Variants in ZNF48 observed in about 807,000 individuals in gnomAD.
The protein encoded by ZNF48 is zinc finger protein 48.
A neutral mutation model predicts 40.0 loss-of-function variants in ZNF48; 20 were observed. The ratio of observed to expected loss-of-function variants is 0.50; its 90% CI spans 0.35 to 0.73. The LOEUF (loss-of-function observed/expected upper bound fraction) is 0.73, where lower values mean the gene tolerates loss of function less well. Ranked by LOEUF, ZNF48 falls within the 30% of genes least tolerant of loss-of-function variation. ZNF48 has a pLI of 0.01. For synonymous variants in ZNF48, 298 were observed against 329.7 expected (o/e 0.90, Z 1.04); for missense variants, 726 against 851.9 (o/e 0.85, Z 1.84).
At chr16:30,384,548 A>C (rs1431741921) in intron 1 of ZNF48, among the ~76,000 whole-genome samples, 1 of 150,802 alleles carries the variant, frequency 6.6e-6, no homozygotes, top group African/African-American at 2.4e-5. Context: ...AACAAACAAA[A>C]ATGCTACTTA....
chr16:30,397,361 G>A lies in ZNF48; in HGVS notation c.111G>A (p.Pro37=), dbSNP rs753000862. Reference sequence around the variant, plus strand: ...GGAGTGAGAACGTGATTTCTCAGCCGAATGAGTTTGAACATACCCCACAGG... The same window carrying A: ...GGAGTGAGAACGTGATTTCTCAGCCAAATGAGTTTGAACATACCCCACAGG... ...GLGSENVISQ[P]NEFEHTPQED... The change falls in exon 3 of 3, where the codon CCG becomes CCA. Residue 37 remains proline (P), a synonymous_variant. Coordinates refer to ENST00000613509, the MANE Select transcript of ZNF48 (RefSeq NM_001214909.2). The surrounding 1 kb of genome is among the most constrained non-coding windows in gnomAD (Gnocchi z 4.1). 8.7e-5 allele frequency: 140 copies of A among 1,613,528 alleles called. 2 individuals are homozygous for A. The highest frequency in any genetic ancestry group is 8.2e-4 in the Middle Eastern group (5 of 6,084).
chr16:30,391,039 G>C (rs191410025), upstream of ZNF48, among the ~76,000 whole-genome samples: 129 of 152,012 alleles, frequency 8.5e-4, no homozygotes, highest in Non-Finnish European at 2.2e-4. Flanking sequence ...GCGCCCGGCC[G>C]AATAAACTTA....
chr16:30,394,699 A>T (rs1357678388), upstream of ZNF48: 1 of 153,132 alleles, frequency 6.5e-6, no homozygotes, highest in African/African-American at 2.4e-5. Context: ...TGCGTCAATG[A>T]CTTTATCTCT....
chr16:30,386,551 T>C (rs1250240129), intron 1 of ZNF48, among the ~76,000 whole-genome samples: 6 of 152,084 alleles, frequency 3.9e-5, no homozygotes, highest in Non-Finnish European at 7.3e-5. Flanking sequence ...CATGCACCTG[T>C]GGTCCCAGCT....
intron 1 of ZNF48, among the ~76,000 whole-genome samples, chr16:30,388,321 TTTG>T (rs1205632458): frequency 6.6e-6 from 1 of 152,108 alleles, no homozygotes; most frequent in East Asian, 1.9e-4. Context: ...ATTATCTGTT[TTTG>T]TTTTAGTTTT....
chr16:30,395,109 CTCTT>C (rs1567432530), upstream of ZNF48: 2 of 425,770 alleles, frequency 4.7e-6, no homozygotes, highest in Non-Finnish European at 9.6e-6. The surrounding 1 kb of genome is among the most constrained non-coding windows in gnomAD (Gnocchi z 5.9). Context: ...CTTTGGATCC[CTCTT>C]TCTTTGTCTC....
chr16:30,393,945 T>A (rs1286882032), upstream of ZNF48, among the ~76,000 whole-genome samples: 2 of 151,822 alleles, frequency 1.3e-5, no homozygotes, highest in Non-Finnish European at 2.9e-5. Flanking sequence ...TTCGAACTAG[T>A]GGCCTCAAGT....
intron 1 of ZNF48, among the ~76,000 whole-genome samples, chr16:30,389,973 A>C (rs1039436327): frequency 6.6e-6 from 1 of 151,576 alleles, no homozygotes; most frequent in Non-Finnish European, 1.5e-5. Context: ...ATAGCTTTGC[A>C]ACACCATCCC....
At chr16:30,378,662 G>A in intron 1 of ZNF48, 2 of 1,609,778 alleles carry the variant, frequency 1.2e-6, no homozygotes, top group Non-Finnish European at 1.7e-6. Flanking sequence ...AGGCAGCATG[G>A]GCAGCGGGAT....
chr16:30,378,731 A>T (rs1426728167), intron 1 of ZNF48: 15 of 1,592,776 alleles, frequency 9.4e-6, no homozygotes, highest in Non-Finnish European at 1.3e-5. Flanking sequence ...GACAGGAATC[A>T]GGAGCGGGAC....
chr16:30,379,082 C>T, intron 1 of ZNF48: 1 of 1,614,038 alleles, frequency 6.2e-7, no homozygotes, highest in Non-Finnish European at 8.5e-7. Flanking sequence ...GCCCGGTAGC[C>T]CTCGTAGAGC....
At chr16:30,396,931 A>C (rs1455172347) in intron 2 of ZNF48, among the ~76,000 whole-genome samples, 1 of 151,762 alleles carries the variant, frequency 6.6e-6, no homozygotes, top group Non-Finnish European at 1.5e-5. Flanking sequence ...GGCTTAAGTG[A>C]TCCACCCACC....
Position 30,395,439 on chromosome 16 carries a change from C to G in ZNF48, c.-155C>G, listed in dbSNP as rs988334304. The G allele has an allele frequency of 1.1e-5, 4 of 355,342 alleles. No individual in the cohort carries two copies. Among genetic ancestry groups the G allele is most frequent in the Non-Finnish European group, 1.1e-5 (2 of 181,762 alleles). 22.0% of individuals were successfully genotyped at this position (355,342 alleles called of 1,614,324 possible). On this transcript the variant is annotated 5_prime_UTR_variant, in exon 1 of 3. Transcript: ENST00000613509. This position sits in a 1 kb window ranked among gnomAD's most constrained non-coding sequence, Gnocchi z 5.9. ...TCCCGTCCCCGCCCCCGGTGGCCGC[C>G]CCCGGGACGCCTGGGTCCGAGCCCG...
intron 1 of ZNF48, chr16:30,378,442 C>A: frequency 1.3e-6 from 2 of 1,571,248 alleles, no homozygotes; most frequent in Non-Finnish European, 8.6e-7. Context: ...CCTCAGAGGG[C>A]GTCTGACTGC....
chr16:30,395,399 C>A, upstream of ZNF48: 1 of 378,662 alleles, frequency 2.6e-6, no homozygotes, highest in Non-Finnish European at 5.2e-6. The surrounding 1 kb of genome is among the most constrained non-coding windows in gnomAD (Gnocchi z 5.9). Flanking sequence ...CTCCGTGCGG[C>A]CCCGCGCTTC....
At position 30,381,846 on chromosome 16, in the gene ZNF48, G is replaced by A. The variant is rs372115687; in HGVS notation, c.-16+3436G>A. The A allele has an allele frequency of 1.5e-5, 25 of 1,614,016 alleles. No homozygotes were observed. In the African/African-American group the frequency reaches 1.9e-4, roughly 12 times the overall value. Reference sequence around the variant, plus strand: ...TCACACCCCCTTCCTCAATCTCTACGCCCCGGCGCTCAATGGCCAGGGTCT... The same window carrying A: ...TCACACCCCCTTCCTCAATCTCTACACCCCGGCGCTCAATGGCCAGGGTCT... On this transcript the variant is annotated intron_variant, in intron 1 of 2. Coordinates refer to the ZNF48 transcript ENST00000528032. The surrounding 1 kb of genome is among the most constrained non-coding windows in gnomAD (Gnocchi z 4.3).
At chr16:30,379,946 C>G in intron 1 of ZNF48, 3 of 1,558,898 alleles carry the variant, frequency 1.9e-6, no homozygotes, top group Non-Finnish European at 2.7e-6. Context: ...ATCTCTGCAT[C>G]CTGCCTCTTG....
In ZNF48 at chr16:30,397,360, C is replaced by T. The variant is rs767667533; in HGVS notation, c.110C>T (p.Pro37Leu). The change falls in exon 3 of 3, where the codon CCG becomes CTG. Residue 37 changes from proline to leucine, a missense_variant. Transcript: ENST00000613509. This position sits in a 1 kb window ranked among gnomAD's most constrained non-coding sequence, Gnocchi z 4.1. ...GGGAGTGAGAACGTGATTTCTCAGC[C>T]GAATGAGTTTGAACATACCCCACAG... ...GLGSENVISQ[P>L]NEFEHTPQED... The T allele has an allele frequency of 2.4e-5, 38 of 1,613,366 alleles. No homozygotes were observed. In the East Asian group the frequency reaches 4.2e-4, roughly 18 times the overall value.
chr16:30,381,582 G>T lies in ZNF48; in HGVS notation c.-16+3172G>T. 6.7e-7 allele frequency: 1 copy of T among 1,495,992 alleles called. No homozygotes were observed. The highest frequency in any genetic ancestry group is 1.2e-5 in the South Asian group (1 of 82,078). 92.7% of individuals were successfully genotyped at this position (1,495,992 alleles called of 1,614,324 possible). ...TGTCATTTCTTTGGCTCCCTCCAAAGACATTAAGGGGAACTGGTGGGGGCC... is the reference window on the plus strand; with the variant it reads ...TGTCATTTCTTTGGCTCCCTCCAAATACATTAAGGGGAACTGGTGGGGGCC... On this transcript the variant is annotated intron_variant, in intron 1 of 2. Transcript: ENST00000528032. This position sits in a 1 kb window ranked among gnomAD's most constrained non-coding sequence, Gnocchi z 4.3.
Sources: allele counts gnomAD v4.1 joint callset (sites outside exome capture counted in the v4.1 genomes callset), GRCh38; gene constraint gnomAD v4.1.1; non-coding constraint Gnocchi (gnomAD v3.1); transcripts MANE v1.5; gene names NCBI Gene and HGNC (gene_info 2026-07-23, HGNC 2026-07-21).